The following PROM1 variants were observed in gnomAD, a reference collection of about 807,000 sequenced individuals.
PROM1 encodes the protein prominin-1.
Under a neutral mutation model 116.9 loss-of-function variants are expected in PROM1, and 105 were observed. The ratio of observed to expected loss-of-function variants is 0.90; its 90% CI spans 0.77 to 1.06. The LOEUF is 1.06. PROM1 is among the 50% of genes least tolerant of loss of function. The probability of loss-of-function intolerance (pLI) is 0.00; values close to 1 mark genes in which losing one functional copy is unlikely to be tolerated. For synonymous variants in PROM1, 393 were observed against 387.0 expected (o/e 1.02, Z -0.18); for missense variants, 1,122 against 1,045.2 (o/e 1.07, Z -1.01).
intron 2 of PROM1, among the ~76,000 whole-genome samples, chr4:16,044,065 C>T (rs1735958000): frequency 1.3e-5 from 2 of 152,206 alleles, no homozygotes; most frequent in South Asian, 2.1e-4. Context: ...CAACAGGCTG[C>T]GTGCGTATGT....
intron 2 of PROM1, among the ~76,000 whole-genome samples, chr4:16,041,785 A>AATAAATAAATAAAT (rs1207310213): frequency 2.7e-5 from 1 of 37,620 alleles, no homozygotes; most frequent in Non-Finnish European, 6.5e-5. Context: ...TAAATAAATA[A>AATAAATAAATAAAT]ATATATATAT....
chr4:16,029,602 C>G (rs940618436), intron 5 of PROM1, among the ~76,000 whole-genome samples: 1 of 152,156 alleles, frequency 6.6e-6, no homozygotes, highest in Non-Finnish European at 1.5e-5. Context: ...AACATGCCCA[C>G]GTAGATTGCA....
chr4:16,029,287 C>T lies in PROM1; in HGVS notation c.510-3975G>A, dbSNP rs193038201. On this transcript the variant is annotated intron_variant, in intron 5 of 27. Coordinates refer to ENST00000447510, the MANE Select transcript of PROM1 (RefSeq NM_006017.3). ...CTGAAAATGACTGGAATTCAATTCA[C>T]CATGGGAATTATTAGCAAGACTGGC... is the stretch of plus-strand genomic sequence containing the variant. Among the ~76,000 whole-genome samples the T allele has an allele frequency of 1.5e-4, 23 of 151,982 alleles. No individual in the cohort carries two copies. In the East Asian group the frequency reaches 3.1e-3, roughly 20 times the overall value.
At chr4:15,979,970 A>G in intron 24 of PROM1, 66 bp from the exon 25 acceptor site, 1 of 946,152 alleles carries the variant, frequency 1.1e-6, no homozygotes, top group Non-Finnish European at 1.6e-6. Context: ...CAGCAACTAC[A>G]TCCCCCAAAT....
intron 2 of PROM1, among the ~76,000 whole-genome samples, chr4:16,074,901 T>C (rs184657600): frequency 1.1e-4 from 17 of 152,330 alleles, no homozygotes; most frequent in Non-Finnish European, 1.9e-4. Flanking sequence ...TAATCAATGA[T>C]TGTAATCAAA....
At chr4:16,047,322 A>C (rs1010118777) in intron 2 of PROM1, among the ~76,000 whole-genome samples, 1 of 152,112 alleles carries the variant, frequency 6.6e-6, no homozygotes, top group Admixed American at 6.5e-5. Context: ...CTCCTGCCTC[A>C]GCCTCCCAAG....
At chr4:16,034,993 C>T (rs1386897961) in intron 4 of PROM1, among the ~76,000 whole-genome samples, 2 of 152,220 alleles carry the variant, frequency 1.3e-5, no homozygotes, top group African/African-American at 4.8e-5. Flanking sequence ...TGAGCAAATG[C>T]TCAAGACTAG....
chr4:15,986,743 G>A (rs1719517930), intron 20 of PROM1, among the ~76,000 whole-genome samples: 1 of 152,242 alleles, frequency 6.6e-6, no homozygotes, highest in African/African-American at 2.4e-5. Context: ...GTGATCAGAG[G>A]CATAGCGAGG....
chr4:15,986,325 G>C (rs1428832366), intron 20 of PROM1, among the ~76,000 whole-genome samples: 1 of 152,128 alleles, frequency 6.6e-6, no homozygotes, highest in Admixed American at 6.5e-5. Flanking sequence ...TGTTTGTTAG[G>C]TTCCCTTCAC....
intron 2 of PROM1, chr4:16,055,260 C>A (rs1738741271): frequency 2.7e-6 from 1 of 371,236 alleles, no homozygotes; most frequent in Non-Finnish European, 5.4e-6. Context: ...TTAGGCTGGT[C>A]ATGGTGGCTT....
At position 16,008,836 on chromosome 4, in the gene PROM1, G is replaced by A. The variant is rs146836731; in HGVS notation, c.1301+113C>T. 1,586 of 1,022,076 alleles carry A rather than the reference G, an allele frequency of 1.6e-3. 18 individuals are homozygous for A. In the African/African-American group the frequency reaches 0.02, roughly 13 times the overall value. 63.3% of individuals were successfully genotyped at this position (1,022,076 alleles called of 1,614,324 possible). ...TGGGGTTAACATATATCAGGTCATG[G>A]CCTCCTTGTACAATTTGCTCTCATA... On this transcript the variant is annotated intron_variant, in intron 12 of 27. Transcript: ENST00000447510.
chr4:16,073,917 C>G (rs1307284144), intron 2 of PROM1, among the ~76,000 whole-genome samples: 1 of 151,980 alleles, frequency 6.6e-6, no homozygotes, highest in South Asian at 2.1e-4. Flanking sequence ...CCAATCAAAT[C>G]TAAAGGGACC....
chr4:16,033,109 G>A (rs1483748590), intron 5 of PROM1, among the ~76,000 whole-genome samples, 195 bp downstream of exon 5: 1 of 152,152 alleles, frequency 6.6e-6, no homozygotes, highest in African/African-American at 2.4e-5. Flanking sequence ...TCATTACAAC[G>A]CTAATGTCTG....
At chr4:16,012,143 T>C (rs1178204855) in intron 11 of PROM1, among the ~76,000 whole-genome samples, 2 of 152,088 alleles carry the variant, frequency 1.3e-5, no homozygotes, top group East Asian at 3.9e-4. Context: ...GTTACAGGGA[T>C]GCACAACCAT....
rs78642798 is a variant in PROM1, at chr4:16,054,455, C to T, written c.221-15454G>A. Among the ~76,000 whole-genome samples the T allele has an allele frequency of 9.0e-3, 1,370 of 152,214 alleles. 41 individuals are homozygous for T. The highest frequency in any genetic ancestry group is 0.07 in the East Asian group (361 of 5,172). ...GCTGTTCTAGCATAATCATTACCAGCGCTCTCTTTTATTCTCAAAAGGTGC... is the reference window on the plus strand; with the variant it reads ...GCTGTTCTAGCATAATCATTACCAGTGCTCTCTTTTATTCTCAAAAGGTGC... On this transcript the variant is annotated intron_variant, in intron 2 of 27. Transcript: ENST00000447510.
At chr4:16,081,998 T>C (rs1290381923) in intron 1 of PROM1, 1 of 152,116 alleles carries the variant, frequency 6.6e-6, no homozygotes. Flanking sequence ...CCTTACTAAC[T>C]CTGCCAAGAT....
intron 14 of PROM1, among the ~76,000 whole-genome samples, chr4:16,000,145 T>C (rs1265783586): frequency 6.6e-6 from 1 of 152,246 alleles, no homozygotes; most frequent in African/African-American, 2.4e-5. Context: ...ACCTGGGAAC[T>C]GATCTTCTGA....
At chr4:16,068,517 A>C (rs750427892) in intron 2 of PROM1, among the ~76,000 whole-genome samples, 3 of 152,176 alleles carry the variant, frequency 2.0e-5, no homozygotes, top group Non-Finnish European at 2.9e-5. Context: ...TCTTACAAGG[A>C]AAGTAACTTT....
At chr4:16,081,130 T>A (rs1039222555) in intron 1 of PROM1, among the ~76,000 whole-genome samples, 1 of 152,040 alleles carries the variant, frequency 6.6e-6, no homozygotes, top group Non-Finnish European at 1.5e-5. Context: ...TTGTTACATG[T>A]GTATACATGT....
Sources: gnomAD v4.1 joint callset for allele counts (sites outside exome capture counted in the v4.1 genomes callset) on GRCh38, gnomAD v4.1.1 for gene constraint, MANE v1.5 for transcripts, NCBI Gene and HGNC (gene_info 2026-07-23, HGNC 2026-07-21) for gene names.